RAF1: variants seen among roughly 807,000 people sequenced by gnomAD.
RAF1 encodes Raf-1 proto-oncogene, serine/threonine kinase, also known as RAF proto-oncogene serine/threonine-protein kinase.
Under a neutral mutation model 81.1 loss-of-function variants are expected in RAF1, and 27 were observed. The ratio of observed to expected loss-of-function variants is 0.33; its 90% CI spans 0.25 to 0.46. The LOEUF is 0.46. RAF1 is among the 20% of genes least tolerant of loss of function. The probability of loss-of-function intolerance (pLI) is 1.00; values close to 1 mark genes in which losing one functional copy is unlikely to be tolerated. For synonymous variants in RAF1, 298 were observed against 294.0 expected, an observed-to-expected ratio of 1.01 and a Z score of -0.14; for missense variants, 598 against 826.0, an observed-to-expected ratio of 0.72 and a Z score of 3.38.
chr3:12,614,409 C>T (rs1037201323), intron 2 of RAF1, among the ~76,000 whole-genome samples: 3 of 108,052 alleles, frequency 2.8e-5, no homozygotes, highest in South Asian at 1.1e-3. Context: ...TCTCTACGTG[C>T]GTGCGTGTGT....
intron 4 of RAF1, 29 bp from the exon 5 acceptor site, chr3:12,608,952 G>A (rs1463503076): frequency 1.9e-6 from 3 of 1,613,182 alleles, no homozygotes; most frequent in Non-Finnish European, 2.5e-6. Context: ...TGTAAATTAT[G>A]CTGAATAAAT....
At chr3:12,657,953 T>C (rs924798835) in intron 1 of RAF1, among the ~76,000 whole-genome samples, 2 of 152,120 alleles carry the variant, frequency 1.3e-5, no homozygotes, top group Admixed American at 6.6e-5. Flanking sequence ...CTACTTTCTG[T>C]CACTAAGGAT....
At chr3:12,600,708 T>C (rs2058835480) in intron 8 of RAF1, among the ~76,000 whole-genome samples, 1 of 152,166 alleles carries the variant, frequency 6.6e-6, no homozygotes, top group South Asian at 2.1e-4. Context: ...ATTACAGGTG[T>C]GCACCAGCAC....
At chr3:12,618,053 T>C (rs2059432318) in intron 2 of RAF1, among the ~76,000 whole-genome samples, 1 of 152,178 alleles carries the variant, frequency 6.6e-6, no homozygotes, top group Non-Finnish European at 1.5e-5. Context: ...ATTTCTAAGC[T>C]GCCTCCAGAC....
chr3:12,607,664 A>T (rs530883527), intron 5 of RAF1, among the ~76,000 whole-genome samples: 3 of 151,842 alleles, frequency 2.0e-5, no homozygotes, highest in East Asian at 1.9e-4. Context: ...ATAATAATAA[A>T]AAAAAAGGCT....
intron 1 of RAF1, among the ~76,000 whole-genome samples, chr3:12,658,609 A>C (rs9823187): frequency 2.0e-5 from 3 of 152,194 alleles, no homozygotes; most frequent in African/African-American, 7.2e-5. Flanking sequence ...TCTCAAAAAA[A>C]ACAAAAAAAG....
chr3:12,631,575 G>C (rs918228210), intron 1 of RAF1, among the ~76,000 whole-genome samples: 1 of 152,206 alleles, frequency 6.6e-6, no homozygotes, highest in Non-Finnish European at 1.5e-5. Context: ...CTCCAGCCTA[G>C]GCGACACAGT....
At position 12,600,413 on chromosome 3, in the gene RAF1, A is replaced by C; in HGVS notation, c.897T>G (p.Asp299Glu). 1 of 1,614,210 alleles carries C rather than the reference A, an allele frequency of 6.2e-7. No homozygotes were observed. The highest frequency in any genetic ancestry group is 8.5e-7 in the Non-Finnish European group (1 of 1,180,026). Residue 299 changes from aspartate to glutamate, a missense_variant and splice_region_variant, in exon 9 of 18, where the codon GAT becomes GAG. Asp to Glu is a conservative substitution (Grantham distance 45). Coordinates refer to ENST00000442415, the MANE Select transcript of RAF1 (RefSeq NM_001354689.3). ...CTGATTCGCTGTGACTTCGAATTGC[A>C]TCCTGAAACAGAAAAGGAAAGCTGG...
In RAF1 at chr3:12,606,253, G is replaced by A. The variant is rs751811325; in HGVS notation, c.628C>T (p.Pro210Ser). 6.2e-7 allele frequency: 1 copy of A among 1,614,036 alleles called. No homozygotes were observed. Among genetic ancestry groups the A allele is most frequent in the South Asian group, 1.1e-5 (1 of 91,076 alleles). The change falls in exon 6 of 18, where the codon CCT becomes TCT. Residue 210 changes from proline to serine, a missense_variant. By Grantham distance (74) the Pro-to-Ser change is moderately conservative (BLOSUM62 -1). Transcript: ENST00000442415. ...CGCATACGACGCATAGTCAAAGAAG[G>A]TAGTGCTGGGACTCCACTATCACCA...
intron 1 of RAF1, among the ~76,000 whole-genome samples, chr3:12,659,351 C>G (rs1340148208): frequency 1.5e-5 from 2 of 134,118 alleles, no homozygotes; most frequent in Non-Finnish European, 3.1e-5. Flanking sequence ...TCCCTTGAAC[C>G]TGGGAGACGG....
At chr3:12,649,501 A>G (rs888079156) in intron 1 of RAF1, among the ~76,000 whole-genome samples, 7 of 152,106 alleles carry the variant, frequency 4.6e-5, no homozygotes, top group African/African-American at 1.7e-4. Flanking sequence ...AAGGAGGCTG[A>G]GGCGGGAGGA....
In RAF1 at chr3:12,586,402, G is replaced by GA. The variant is rs368628536; in HGVS notation, c.1478-604dup. On this transcript the variant is annotated intron_variant, in intron 14 of 17. Coordinates refer to ENST00000442415, the MANE Select transcript of RAF1 (RefSeq NM_001354689.3). ...ATACAGTTTAAGTCAAACTTGTGAG[G>GA]AAAAAAAAATTAAAAAAGAACAAAA... 6.0e-5 allele frequency among the ~76,000 whole-genome samples: 9 copies of GA among 150,998 alleles called. 1 individual carries two copies. Among genetic ancestry groups the GA allele is most frequent in the Non-Finnish European group, 1.3e-4 (9 of 67,758 alleles).
At position 12,583,657 on chromosome 3, in the gene RAF1, A is replaced by AACTGTATTTTGTCAGGTGCAAT. The variant is rs1410308442; in HGVS notation, c.*835_*856dup. ...TAACATAATTGAGGGACCATCAGAT[A>AACTGTATTTTGTCAGGTGCAAT]ACTGTATTTTGTCAGGTGCAATAAA... On this transcript the variant is annotated 3_prime_UTR_variant, in exon 18 of 18. Transcript: ENST00000442415. 1 of 233,142 alleles carries AACTGTATTTTGTCAGGTGCAAT rather than the reference A, an allele frequency of 4.3e-6. No individual in the cohort carries two copies. Among genetic ancestry groups the AACTGTATTTTGTCAGGTGCAAT allele is most frequent in the Admixed American group, 5.6e-5 (1 of 17,780 alleles). 14.4% of individuals were successfully genotyped at this position (233,142 alleles called of 1,614,324 possible). A position where few individuals can be genotyped will look rare whatever the true frequency, so the allele number is the denominator to read the frequency against.
At position 12,603,518 on chromosome 3, in the gene RAF1, G is replaced by A. The variant is rs775691607; in HGVS notation, c.854C>T (p.Ser285Phe). Reference sequence around the variant, plus strand: ...AAATCGTCTGGACCACGCCCTGGGAGAAGCACTCAGGTTGTTATTCTAGTC... The same window carrying A: ...AAATCGTCTGGACCACGCCCTGGGAAAAGCACTCAGGTTGTTATTCTAGTC... Residue 285 changes from serine (S) to phenylalanine (F), a missense_variant, in exon 8 of 18, where the codon TCT (serine) becomes TTT (phenylalanine). Coordinates refer to ENST00000442415, the MANE Select transcript of RAF1 (RefSeq NM_001354689.3). 8.6e-6 allele frequency: 6 copies of A among 701,264 alleles called. No homozygotes were observed. The highest frequency in any genetic ancestry group is 2.0e-5 in the Admixed American group (1 of 49,810). 43.4% of individuals were successfully genotyped at this position (701,264 alleles called of 1,614,324 possible).
intron 15 of RAF1, 40 bp downstream of exon 14, chr3:12,585,641 C>T (rs2125325093): frequency 6.6e-7 from 1 of 1,515,546 alleles, no homozygotes; most frequent in Middle Eastern, 1.7e-4. Flanking sequence ...ATTCCTTTTG[C>T]CCTATACCAG....
intron 2 of RAF1, among the ~76,000 whole-genome samples, chr3:12,614,413 C>CAT (rs1412840276): frequency 2.0e-5 from 2 of 100,736 alleles, no homozygotes; most frequent in East Asian, 8.9e-4. Flanking sequence ...TACGTGCGTG[C>CAT]GTGTGTGTGT....
intron 11 of RAF1, among the ~76,000 whole-genome samples, chr3:12,595,017 A>AG (rs1413398404): frequency 6.6e-6 from 1 of 152,232 alleles, no homozygotes; most frequent in East Asian, 1.9e-4. Context: ...GCTAGGATCA[A>AG]TGAGCAAACA....
At chr3:12,628,681 G>A (rs1319870806) in intron 1 of RAF1, among the ~76,000 whole-genome samples, 2 of 136,320 alleles carry the variant, frequency 1.5e-5, no homozygotes, top group East Asian at 4.7e-4. Context: ...CTTTAAAGTA[G>A]AAGATACTTT....
intron 2 of RAF1, among the ~76,000 whole-genome samples, chr3:12,616,405 A>C (rs2059370057): frequency 6.6e-6 from 1 of 152,214 alleles, no homozygotes; most frequent in Admixed American, 6.5e-5. Context: ...TAAGGTCACA[A>C]AGAAAATTAA....
Sources: allele counts gnomAD v4.1 joint callset (sites outside exome capture counted in the v4.1 genomes callset), GRCh38; gene constraint gnomAD v4.1.1; transcripts MANE v1.5; gene names NCBI Gene and HGNC (gene_info 2026-07-23, HGNC 2026-07-21).